RSRC1: variants seen among roughly 807,000 people sequenced by gnomAD.
The protein encoded by RSRC1 is serine/Arginine-related protein 53.
RSRC1 carries 39 observed loss-of-function variants against 49.1 expected under a neutral mutation model. That is an observed-to-expected ratio of 0.79 (90% CI 0.61 to 1.04). The LOEUF (loss-of-function observed/expected upper bound fraction) is 1.04, where lower values mean the gene tolerates loss of function less well. RSRC1 is among the 50% of genes least tolerant of loss of function. RSRC1 has a pLI of 0.00. For missense variants in RSRC1, 388 were observed against 402.4 expected (o/e 0.96, Z 0.31); for synonymous variants, 143 against 130.8 (o/e 1.09, Z -0.63).
chr3:158,441,470 C>G (rs956238965), intron 6 of RSRC1, among the ~76,000 whole-genome samples: 2 of 151,506 alleles, frequency 1.3e-5, no homozygotes, highest in Non-Finnish European at 1.5e-5. Flanking sequence ...ATTTTTGGAG[C>G]AAGAATATTC....
chr3:158,334,159 C>A (rs538566667), intron 5 of RSRC1, among the ~76,000 whole-genome samples: 11 of 152,156 alleles, frequency 7.2e-5, no homozygotes, highest in Non-Finnish European at 1.3e-4. Flanking sequence ...GATACTAAAG[C>A]AGGGTTTAAA....
chr3:158,459,442 T>A (rs999875154), intron 6 of RSRC1, among the ~76,000 whole-genome samples: 3 of 152,100 alleles, frequency 2.0e-5, no homozygotes, highest in African/African-American at 7.2e-5. Flanking sequence ...TAAATTTCAG[T>A]CTAATGAGCC....
rs1034250743 is a variant in RSRC1, at chr3:158,252,618, G to A, written c.495-45421G>A. ...CTGGCCTCATAAAATGGGTTTGGAAGTATTCCTTCTTTCTCTAGTTTTTGG... is the reference window on the plus strand; with the variant it reads ...CTGGCCTCATAAAATGGGTTTGGAAATATTCCTTCTTTCTCTAGTTTTTGG... On this transcript the variant is annotated intron_variant, in intron 4 of 9. Coordinates refer to ENST00000611884, the MANE Select transcript of RSRC1 (RefSeq NM_001271838.2). Among the ~76,000 whole-genome samples, 4 of 152,282 alleles carry A rather than the reference G, an allele frequency of 2.6e-5. No individual in the cohort carries two copies. The South Asian group carries it at 8.3e-4, about 32-fold the overall frequency.
intron 4 of RSRC1, among the ~76,000 whole-genome samples, chr3:158,247,951 C>G (rs1303669815): frequency 6.6e-6 from 1 of 152,176 alleles, no homozygotes; most frequent in Non-Finnish European, 1.5e-5. Flanking sequence ...GACACATAGA[C>G]CAATGGAAGA....
chr3:158,202,226 G>T (rs898032354), intron 3 of RSRC1, among the ~76,000 whole-genome samples: 16 of 152,064 alleles, frequency 1.1e-4, no homozygotes, highest in Admixed American at 5.2e-4. Context: ...TGTTGGCCAG[G>T]CTGGTCTCGG....
chr3:158,352,017 C>T (rs1379093006), intron 5 of RSRC1, among the ~76,000 whole-genome samples: 1 of 150,980 alleles, frequency 6.6e-6, no homozygotes. Context: ...CATCTGTAGT[C>T]CTAGCTCTTT....
chr3:158,239,713 T>TA (rs1178559319), intron 4 of RSRC1, among the ~76,000 whole-genome samples: 7 of 152,200 alleles, frequency 4.6e-5, no homozygotes, highest in Admixed American at 3.9e-4. Context: ...CCCTAGAACT[T>TA]AAAGTATTAA....
intron 4 of RSRC1, among the ~76,000 whole-genome samples, chr3:158,216,445 C>G (rs1045588546): frequency 2.0e-5 from 3 of 151,306 alleles, no homozygotes; most frequent in Non-Finnish European, 4.4e-5. Flanking sequence ...TTCCTCTTCA[C>G]CAGTTCTCAA....
chr3:158,245,518 A>G (rs962154083), intron 4 of RSRC1, among the ~76,000 whole-genome samples: 18 of 152,164 alleles, frequency 1.2e-4, no homozygotes, highest in Non-Finnish European at 2.2e-4. Flanking sequence ...AAGGAGTTCT[A>G]TGGATACCTA....
At position 158,203,184 on chromosome 3, in the gene RSRC1, G is replaced by T; in HGVS notation, c.433G>T (p.Glu145Ter). The T allele has an allele frequency of 6.2e-7, 1 of 1,612,398 alleles. No homozygotes were observed. Among genetic ancestry groups the T allele is most frequent in the South Asian group, 1.1e-5 (1 of 90,692 alleles). The change falls in exon 4 of 10, where the codon GAG becomes TAG. Residue 145 changes from glutamate to a stop codon, truncating the protein, a stop_gained. Transcript: ENST00000611884. LOFTEE classifies it high-confidence loss of function. ...AGAACGACGTAAGGGCAGAGATAAA[G>T]AGAAAAGAGAAAAGGAGAAGGATAA... ...DRERRKGRDK[E>*]KREKEKDKGK...
At chr3:158,423,663 T>G (rs985195003) in intron 6 of RSRC1, among the ~76,000 whole-genome samples, 11 of 152,154 alleles carry the variant, frequency 7.2e-5, no homozygotes, top group Admixed American at 1.3e-4. Flanking sequence ...TAAATTACCT[T>G]GGGCAGTATG....
intron 6 of RSRC1, among the ~76,000 whole-genome samples, chr3:158,357,713 C>T (rs144556415): frequency 7.2e-5 from 11 of 152,124 alleles, no homozygotes; most frequent in African/African-American, 2.7e-4. Flanking sequence ...AGCCTAGTCT[C>T]AAGGTTGAGA....
intron 3 of RSRC1, among the ~76,000 whole-genome samples, chr3:158,145,006 A>G (rs1191628128): frequency 3.3e-5 from 5 of 151,946 alleles, no homozygotes; most frequent in African/African-American, 4.8e-5. Context: ...AATTTGTTTG[A>G]GTTCTTTGTA....
intron 4 of RSRC1, among the ~76,000 whole-genome samples, chr3:158,232,263 G>T (rs1723008881): frequency 6.6e-6 from 1 of 151,890 alleles, no homozygotes; most frequent in Non-Finnish European, 1.5e-5. Context: ...ACCATAAATG[G>T]CTTAGAGAAA....
chr3:158,490,737 A>G (rs1219907346), intron 7 of RSRC1, among the ~76,000 whole-genome samples: 2 of 152,150 alleles, frequency 1.3e-5, no homozygotes, highest in Admixed American at 6.5e-5. Flanking sequence ...ATGGAGAGAA[A>G]TTTGTGCTTT....
intron 7 of RSRC1, among the ~76,000 whole-genome samples, chr3:158,521,720 C>T (rs1428041113): frequency 2.6e-5 from 4 of 152,002 alleles, no homozygotes; most frequent in Admixed American, 2.6e-4. Context: ...TGACTTAAAG[C>T]ATTGTATTTG....
chr3:158,494,797 T>C (rs1013033657), intron 7 of RSRC1, among the ~76,000 whole-genome samples: 1 of 152,196 alleles, frequency 6.6e-6, no homozygotes, highest in African/African-American at 2.4e-5. Context: ...TATCAACGTC[T>C]TCCACCTCTA....
At chr3:158,510,056 A>G (rs956478605) in intron 7 of RSRC1, among the ~76,000 whole-genome samples, 5 of 152,154 alleles carry the variant, frequency 3.3e-5, no homozygotes, top group Non-Finnish European at 5.9e-5. Flanking sequence ...TAACTATTGC[A>G]TAACATTTCT....
intron 7 of RSRC1, among the ~76,000 whole-genome samples, chr3:158,490,106 A>G (rs1396019989): frequency 6.6e-6 from 1 of 152,076 alleles, no homozygotes; most frequent in East Asian, 1.9e-4. Flanking sequence ...TGTTTTTGAG[A>G]CAGAGTCTCA....
Sources: gnomAD v4.1 joint callset for allele counts (sites outside exome capture counted in the v4.1 genomes callset) on GRCh38, gnomAD v4.1.1 for gene constraint, MANE v1.5 for transcripts, NCBI Gene and HGNC (gene_info 2026-07-23, HGNC 2026-07-21) for gene names.